The following TENM1 variants were observed in gnomAD, a reference collection of about 807,000 sequenced individuals.
TENM1 encodes the protein teneurin transmembrane protein 1, also known as teneurin-1.
In TENM1, 35 loss-of-function variants were observed where a neutral mutation model predicts 174.8. The ratio of observed to expected loss-of-function variants is 0.20; its 90% CI spans 0.15 to 0.27. The LOEUF (loss-of-function observed/expected upper bound fraction) is 0.27, where lower values mean the gene tolerates loss of function less well. Ranked by LOEUF, TENM1 falls within the 10% of genes least tolerant of loss-of-function variation. The pLI is 1.00. For synonymous variants in TENM1, 781 were observed against 798.7 expected, an observed-to-expected ratio of 0.98 and a Z score of 0.37; for missense variants, 1,633 against 2,130.1, an observed-to-expected ratio of 0.77 and a Z score of 4.59.
At chrX:125,095,075 T>C in the TENM1 span, among the ~76,000 whole-genome samples, 3 of 111,786 alleles carry the variant, frequency 2.7e-5, no homozygotes, top group South Asian at 1.1e-3. Context: ...TTTAGACACA[T>C]AAAATAACTT....
intron 3 of TENM1, among the ~76,000 whole-genome samples, chrX:124,770,997 C>A (rs957920400): frequency 1.8e-5 from 2 of 112,019 alleles, no homozygotes; most frequent in African/African-American, 6.5e-5. Flanking sequence ...CACTAAGGAA[C>A]TAGAAAAACC....
chrX:124,789,880 C>G (rs2055138566), intron 3 of TENM1, among the ~76,000 whole-genome samples: 1 of 111,738 alleles, frequency 8.9e-6, no homozygotes, highest in Non-Finnish European at 1.9e-5. Context: ...GTATTTTTTT[C>G]AGTAGCGCCT....
At chrX:125,042,620 T>C in the TENM1 span, among the ~76,000 whole-genome samples, 471 of 111,476 alleles carry the variant, frequency 4.2e-3, 4 homozygotes, top group African/African-American at 0.014. Flanking sequence ...AAAAATGCCT[T>C]AACTCTATAG....
the TENM1 span, among the ~76,000 whole-genome samples, chrX:125,127,452 G>A: frequency 7.2e-5 from 8 of 111,749 alleles, no homozygotes; most frequent in Middle Eastern, 4.6e-3. Context: ...AAGCTTAGAA[G>A]TTCATATTCT....
At chrX:124,827,125 A>G (rs1385800712) in intron 3 of TENM1, among the ~76,000 whole-genome samples, 1 of 111,573 alleles carries the variant, frequency 9.0e-6, no homozygotes, top group Non-Finnish European at 1.9e-5. Context: ...ATCTCAGCTC[A>G]CTGCAGCCTC....
the TENM1 span, among the ~76,000 whole-genome samples, chrX:125,022,479 C>G: frequency 9.0e-6 from 1 of 111,594 alleles, no homozygotes; most frequent in Non-Finnish European, 1.9e-5. Flanking sequence ...AGGTTAACTC[C>G]TCAGAGGTTC....
chrX:124,845,189 T>C lies in TENM1; in HGVS notation c.535+49107A>G, dbSNP rs1458457873. Reference sequence around the variant, plus strand: ...TCTAAAAAAGTAATGCTATGCCAAATAAATAAAAGGTAATTCCCTTTCAGT... The same window carrying C: ...TCTAAAAAAGTAATGCTATGCCAAACAAATAAAAGGTAATTCCCTTTCAGT... On this transcript the variant is annotated intron_variant, in intron 3 of 31. Transcript: ENST00000422452. Among the ~76,000 whole-genome samples the C allele has an allele frequency of 4.5e-5, 5 of 112,313 alleles. No homozygotes were observed. In the Admixed American group the frequency reaches 4.7e-4, roughly 11 times the overall value.
At chrX:124,901,308 A>T (rs1232189836) in intron 1 of TENM1, among the ~76,000 whole-genome samples, 2 of 110,065 alleles carry the variant, frequency 1.8e-5, no homozygotes, top group African/African-American at 3.3e-5. Flanking sequence ...CAAATTAATA[A>T]TTTTTTTTTA....
chrX:124,695,434 G>C (rs780356026), intron 5 of TENM1, among the ~76,000 whole-genome samples: 3 of 110,926 alleles, frequency 2.7e-5, no homozygotes, highest in African/African-American at 3.3e-5. Context: ...CTGATTTGGG[G>C]AGGGAAACGC....
chrX:124,440,695 G>A (rs775767661), intron 23 of TENM1, among the ~76,000 whole-genome samples: 1 of 111,575 alleles, frequency 9.0e-6, no homozygotes, highest in African/African-American at 3.3e-5. Flanking sequence ...TGTTTATTTA[G>A]CATTATTATG....
the TENM1 span, among the ~76,000 whole-genome samples, chrX:125,075,540 A>G: frequency 9.0e-6 from 1 of 111,307 alleles, no homozygotes; most frequent in African/African-American, 3.3e-5. Flanking sequence ...CCACTCATTT[A>G]AAATGTACAA....
intron 1 of TENM1, among the ~76,000 whole-genome samples, chrX:124,961,250 A>G (rs964347917): frequency 2.7e-5 from 3 of 112,304 alleles, no homozygotes; most frequent in African/African-American, 9.7e-5. Flanking sequence ...ATTATAAAGC[A>G]TATATTATAT....
chrX:124,872,052 A>T (rs1487679174), intron 3 of TENM1, among the ~76,000 whole-genome samples: 1 of 105,100 alleles, frequency 9.5e-6, no homozygotes, highest in Non-Finnish European at 2.0e-5. Flanking sequence ...AAAAAAAAAT[A>T]GAAGGAAGGA....
chrX:124,896,345 T>A, intron 1 of TENM1, 104 bp from the exon 5 acceptor site: 1 of 907,953 alleles, frequency 1.1e-6, no homozygotes, highest in Non-Finnish European at 1.5e-6. Flanking sequence ...TGGTAGTAAT[T>A]ACGTGTTTTT....
chrX:124,452,818 A>G (rs1387532180), intron 23 of TENM1, among the ~76,000 whole-genome samples: 4 of 92,711 alleles, frequency 4.3e-5, no homozygotes, highest in Admixed American at 1.3e-4. Context: ...CTGAACAATG[A>G]GAACACTTGG....
chrX:124,421,345 C>A (rs2060651253), intron 24 of TENM1, among the ~76,000 whole-genome samples: 1 of 112,157 alleles, frequency 8.9e-6, no homozygotes, highest in Non-Finnish European at 1.9e-5. Context: ...CCGAAAGATA[C>A]AAATTAGCAA....
chrX:124,498,001 T>C (rs2047240295), intron 19 of TENM1, among the ~76,000 whole-genome samples: 1 of 111,499 alleles, frequency 9.0e-6, no homozygotes, highest in Non-Finnish European at 1.9e-5. Flanking sequence ...CATTTCCTTC[T>C]AGACCTCTTT....
intron 3 of TENM1, among the ~76,000 whole-genome samples, chrX:124,852,306 G>A (rs1187730131): frequency 9.1e-6 from 1 of 110,266 alleles, no homozygotes; most frequent in Non-Finnish European, 1.9e-5. Flanking sequence ...TTGGATTTGG[G>A]CAGGACTGAA....
At chrX:124,830,846 CTG>C (rs1211588941) in intron 3 of TENM1, among the ~76,000 whole-genome samples, 2 of 112,284 alleles carry the variant, frequency 1.8e-5, no homozygotes, top group Non-Finnish European at 3.8e-5. Flanking sequence ...AGTTTGGACA[CTG>C]AACTCCACAA....
Sources: allele counts gnomAD v4.1 joint callset (sites outside exome capture counted in the v4.1 genomes callset), GRCh38; gene constraint gnomAD v4.1.1; transcripts MANE v1.5; gene names NCBI Gene and HGNC (gene_info 2026-07-23, HGNC 2026-07-21).